The following NCOA1 variants were observed in gnomAD, a reference collection of about 807,000 sequenced individuals.
NCOA1 encodes nuclear receptor coactivator 1.
NCOA1 carries 35 observed loss-of-function variants against 150.9 expected under a neutral mutation model. The ratio of observed to expected loss-of-function variants is 0.23; its 90% CI spans 0.18 to 0.31. The LOEUF (loss-of-function observed/expected upper bound fraction) is 0.31. Ranked by LOEUF, NCOA1 falls within the 10% of genes least tolerant of loss-of-function variation. The pLI is 1.00. For missense variants in NCOA1, 1,491 were observed against 1,749.3 expected, an observed-to-expected ratio of 0.85 and a Z score of 2.63; for synonymous variants, 590 against 630.0, an observed-to-expected ratio of 0.94 and a Z score of 0.95.
At chr2:24,746,408 T>C (rs1213385865) in intron 19 of NCOA1, among the ~76,000 whole-genome samples, 1 of 151,662 alleles carries the variant, frequency 6.6e-6, no homozygotes, top group Non-Finnish European at 1.5e-5. Flanking sequence ...CTGGGTGTGG[T>C]GGTGGGCGCC....
intron 3 of NCOA1, among the ~76,000 whole-genome samples, chr2:24,590,373 C>G (rs1667605460): frequency 6.6e-6 from 1 of 152,070 alleles, no homozygotes; most frequent in African/African-American, 2.4e-5. Flanking sequence ...AGTAGAGACT[C>G]TTACAAGATT....
At chr2:24,726,764 C>A (rs1674646777) in intron 15 of NCOA1, 58 bp downstream of exon 15, 1 of 1,032,728 alleles carries the variant, frequency 9.7e-7, no homozygotes, top group Non-Finnish European at 1.4e-6. Context: ...AAACAGAGAA[C>A]TATTTTTTCC....
At chr2:24,626,013 G>C (rs1022175877) in intron 3 of NCOA1, among the ~76,000 whole-genome samples, 3 of 152,084 alleles carry the variant, frequency 2.0e-5, no homozygotes, top group African/African-American at 7.2e-5. Flanking sequence ...ATGTCACTTA[G>C]GTTGAGGTGG....
At chr2:24,492,023 GA>G (rs1176900216) in intron 1 of NCOA1, 1 of 151,994 alleles carries the variant, frequency 6.6e-6, no homozygotes, top group African/African-American at 2.4e-5. Context: ...CGGCCCCGAC[GA>G]CGCCGTGACC....
At chr2:24,545,544 C>T (rs891767607) in intron 1 of NCOA1, among the ~76,000 whole-genome samples, 1 of 152,072 alleles carries the variant, frequency 6.6e-6, no homozygotes, top group South Asian at 2.1e-4. Context: ...GAACTTAACC[C>T]CCCACCTCCT....
At position 24,642,254 on chromosome 2, in the gene NCOA1, A is replaced by C. The variant is rs79237653; in HGVS notation, c.-174-1712A>C. Among the ~76,000 whole-genome samples, 67 of 150,612 alleles carry C rather than the reference A, an allele frequency of 4.4e-4. 1 individual carries two copies. Among genetic ancestry groups the C allele is most frequent in the African/African-American group, 6.1e-4 (25 of 41,082 alleles). On this transcript the variant is annotated intron_variant, in intron 3 of 22. Transcript: ENST00000348332. ...GGATCTAGCTCTTGAATTTCCATTT[A>C]TTTCTTTCTCAGTTTCCATTTGCTG... is the stretch of plus-strand genomic sequence containing the variant.
intron 3 of NCOA1, among the ~76,000 whole-genome samples, chr2:24,587,416 T>G (rs1418702915): frequency 3.9e-5 from 6 of 152,224 alleles, no homozygotes; most frequent in African/African-American, 1.2e-4. Flanking sequence ...CCAGAGTTTT[T>G]AGTTGTAATT....
At chr2:24,650,492 G>A (rs1210655540) in intron 4 of NCOA1, among the ~76,000 whole-genome samples, 1 of 152,082 alleles carries the variant, frequency 6.6e-6, no homozygotes, top group Non-Finnish European at 1.5e-5. Context: ...AGAAACCACA[G>A]AATTGGAGAA....
At position 24,769,132 on chromosome 2, in the gene NCOA1, C is replaced by A. The variant is rs544747582; in HGVS notation, c.*741C>A. On this transcript the variant is annotated 3_prime_UTR_variant, in exon 23 of 23. Transcript: ENST00000348332. ...TGAGTTGTGTCAATTATTGTAGATA[C>A]AATTTTCTGATTAAATCTGGAAAAA... The A allele has an allele frequency of 4.8e-6, 1 of 207,168 alleles. No individual in the cohort carries two copies. The highest frequency in any genetic ancestry group is 9.9e-6 in the Non-Finnish European group (1 of 101,352). 12.8% of individuals were successfully genotyped at this position (207,168 alleles called of 1,614,324 possible). A position where few individuals can be genotyped will look rare whatever the true frequency, so the allele number is the denominator to read the frequency against.
At position 24,729,829 on chromosome 2, in the gene NCOA1, T is replaced by C. The variant is rs775068160; in HGVS notation, c.3201+14T>C. 13 of 1,597,660 alleles carry C rather than the reference T, an allele frequency of 8.1e-6. No individual in the cohort carries two copies. In the South Asian group the frequency reaches 1.5e-4, roughly 18 times the overall value. ...GGACAACAGCAGGTAAGTGCTCTTGTTTAGCAGTTGATACTTTTTTTTTTT... is the reference window on the plus strand; with the variant it reads ...GGACAACAGCAGGTAAGTGCTCTTGCTTAGCAGTTGATACTTTTTTTTTTT... On this transcript the variant is annotated intron_variant, in intron 17 of 22. Transcript: ENST00000348332.
chr2:24,686,961 G>T (rs1672433618), intron 8 of NCOA1, among the ~76,000 whole-genome samples: 1 of 151,808 alleles, frequency 6.6e-6, no homozygotes, highest in Non-Finnish European at 1.5e-5. Flanking sequence ...ATCTCAGAAA[G>T]TGTTTTGTAC....
At chr2:24,525,870 T>A (rs1201511973) in intron 1 of NCOA1, among the ~76,000 whole-genome samples, 1 of 152,146 alleles carries the variant, frequency 6.6e-6, no homozygotes, top group Non-Finnish European at 1.5e-5. Flanking sequence ...TTTCTAATAA[T>A]CATCCTTAGG....
At chr2:24,575,098 G>GT (rs1666900895) in intron 2 of NCOA1, among the ~76,000 whole-genome samples, 1 of 151,134 alleles carries the variant, frequency 6.6e-6, no homozygotes. Flanking sequence ...TTTTTCCTCT[G>GT]TTTTTTGGAC....
chr2:24,530,904 TC>T (rs1225378432), intron 1 of NCOA1, among the ~76,000 whole-genome samples: 1 of 152,214 alleles, frequency 6.6e-6, no homozygotes, highest in Non-Finnish European at 1.5e-5. Context: ...ATATCAGACT[TC>T]TTTATAGCTC....
intron 7 of NCOA1, among the ~76,000 whole-genome samples, chr2:24,679,139 T>C (rs143278066): frequency 2.0e-4 from 31 of 152,344 alleles, no homozygotes; most frequent in African/African-American, 6.7e-4. Flanking sequence ...GTGGTCTTCT[T>C]CAAAGGATGA....
intron 1 of NCOA1, among the ~76,000 whole-genome samples, chr2:24,503,242 G>A (rs755241483): frequency 6.6e-6 from 1 of 152,176 alleles, no homozygotes; most frequent in African/African-American, 2.4e-5. Flanking sequence ...TGGAGAACGT[G>A]TTGTTCTACA....
intron 1 of NCOA1, among the ~76,000 whole-genome samples, chr2:24,529,620 A>G (rs1480127723): frequency 6.6e-6 from 1 of 152,218 alleles, no homozygotes; most frequent in Non-Finnish European, 1.5e-5. Flanking sequence ...ACAGGTAAAA[A>G]GCCATAGCTC....
At chr2:24,764,098 C>A (rs934874198) in intron 22 of NCOA1, among the ~76,000 whole-genome samples, 2 of 152,168 alleles carry the variant, frequency 1.3e-5, no homozygotes, top group African/African-American at 4.8e-5. Flanking sequence ...GCACTGTATG[C>A]ATTATCTCAT....
In NCOA1 at chr2:24,709,303, A is replaced by C. The variant is rs1042246411; in HGVS notation, c.2418+1415A>C. Among the ~76,000 whole-genome samples, 4 of 152,152 alleles carry C rather than the reference A, an allele frequency of 2.6e-5. No individual in the cohort carries two copies. The East Asian group carries it at 7.7e-4, about 29-fold the overall frequency. ...AGATATGCATATGTCCTTTTTCAGT[A>C]GATAATGCCAGTTTTCCTAGTGTAT... On this transcript the variant is annotated intron_variant, in intron 13 of 22. Coordinates refer to ENST00000348332, the MANE Select transcript of NCOA1 (RefSeq NM_003743.5).
Sources: allele counts gnomAD v4.1 joint callset (sites outside exome capture counted in the v4.1 genomes callset), GRCh38; gene constraint gnomAD v4.1.1; transcripts MANE v1.5; gene names NCBI Gene and HGNC (gene_info 2026-07-23, HGNC 2026-07-21).